The following SLC28A2 variants were observed in gnomAD, a reference collection of about 807,000 sequenced individuals.
SLC28A2 encodes the protein solute carrier family 28 member 2.
A neutral mutation model predicts 72.9 loss-of-function variants in SLC28A2; 69 were observed. The observed-to-expected ratio is 0.95, with a 90% CI of 0.78 to 1.16. SLC28A2 has a LOEUF of 1.16. SLC28A2 is among the 50% of genes most tolerant of loss of function. The probability of loss-of-function intolerance (pLI) is 0.00; values close to 1 mark genes in which losing one functional copy is unlikely to be tolerated. For missense variants in SLC28A2, 745 were observed against 791.1 expected, an observed-to-expected ratio of 0.94 and a Z score of 0.70; for synonymous variants, 296 against 294.1, an observed-to-expected ratio of 1.01 and a Z score of -0.07.
intron 10 of SLC28A2, among the ~76,000 whole-genome samples, chr15:45,266,828 A>G (rs1055250919): frequency 4.6e-5 from 7 of 152,218 alleles, no homozygotes; most frequent in African/African-American, 1.7e-4. Flanking sequence ...ATGTGAGACT[A>G]TAAGCTTCTA....
intron 7 of SLC28A2, 68 bp downstream of exon 7, chr15:45,264,836 A>G (rs1900283591): frequency 2.0e-6 from 2 of 986,142 alleles, no homozygotes; most frequent in African/African-American, 1.6e-5. Flanking sequence ...TGAGAGGAGC[A>G]TGAGAAGATT....
intron 13 of SLC28A2, 61 bp downstream of exon 13, chr15:45,268,439 T>G (rs1900418022): frequency 1.4e-6 from 2 of 1,404,438 alleles, no homozygotes; most frequent in African/African-American, 2.9e-5. Context: ...CCTTCAAACA[T>G]GCATGTCCAA....
At chr15:45,262,994 C>A in intron 4 of SLC28A2, 67 bp from the exon 5 acceptor site, 1 of 1,373,928 alleles carries the variant, frequency 7.3e-7, no homozygotes, top group Non-Finnish European at 1.0e-6. Flanking sequence ...GCATTCATGA[C>A]TGGAGTTTCA....
chr15:45,270,800 TA>T (rs1452551637), intron 15 of SLC28A2, among the ~76,000 whole-genome samples: 9 of 149,300 alleles, frequency 6.0e-5, no homozygotes, highest in East Asian at 3.9e-4. Flanking sequence ...TTATTATTAT[TA>T]TTTTTTTTGT....
intron 3 of SLC28A2, among the ~76,000 whole-genome samples, chr15:45,254,839 T>C (rs11629807): frequency 0.47 from 71,997 of 152,158 alleles, 20,726 homozygotes; most frequent in Non-Finnish European, 0.67. Flanking sequence ...TGACAGTAAA[T>C]TCTTTGTAAG....
chr15:45,264,655 G>C lies in SLC28A2; in HGVS notation c.589G>C (p.Val197Leu). 6.3e-7 allele frequency: 1 copy of C among 1,576,332 alleles called. No homozygotes were observed. Among genetic ancestry groups the C allele is most frequent in the African/African-American group, 1.3e-5 (1 of 74,256 alleles). Residue 197 changes from valine (V) to leucine (L), a missense_variant and splice_region_variant, in exon 7 of 18, where the codon GTG (valine) becomes CTG (leucine). By Grantham distance (32) the Val-to-Leu change is conservative (BLOSUM62 1). Transcript: ENST00000347644. The part of the protein sequence containing the change: ...LFACSKHHSA[V>L]SWRTVFSGLG... ...GAAATAATATTCTTATTGATCCTAG[G>C]TGTCCTGGAGGACAGTGTTTTCGGG...
At chr15:45,263,033 A>T (rs374348097) in intron 4 of SLC28A2, 28 bp from the exon 5 acceptor site, 93 of 1,593,690 alleles carry the variant, frequency 5.8e-5, no homozygotes, top group Non-Finnish European at 7.3e-5. Flanking sequence ...TGCCTTGCTG[A>T]TCTTTACTCT....
At chr15:45,265,223 C>T (rs1484121375) in intron 8 of SLC28A2, 57 bp downstream of exon 8, 4 of 1,187,608 alleles carry the variant, frequency 3.4e-6, no homozygotes, top group Non-Finnish European at 5.1e-6. Flanking sequence ...AGGAATAAAG[C>T]AGAGGATGAA....
chr15:45,255,722 C>CAGCAGACATGAATAACTTCATG (rs1259910012), intron 3 of SLC28A2, among the ~76,000 whole-genome samples: 3 of 152,102 alleles, frequency 2.0e-5, no homozygotes, highest in African/African-American at 7.2e-5. Flanking sequence ...CATACACATA[C>CAGCAGACATGAATAACTTCATG]AGCAGACATG....
Position 45,269,438 on chromosome 15 carries a change from T to C in SLC28A2, c.1469T>C (p.Ile490Thr), listed in dbSNP as rs1175534332. The C allele has an allele frequency of 1.2e-6, 2 of 1,613,986 alleles. No individual in the cohort carries two copies. Among genetic ancestry groups the C allele is most frequent in the African/African-American group, 1.3e-5 (1 of 74,918 alleles). ...VAEMVGIKFFINEFVAYQQLS... is the reference protein window; with the variant it reads ...VAEMVGIKFFTNEFVAYQQLS... ...GAGATGGTGGGAATCAAGTTCTTCA[T>C]AAATGAGTTTGTGGCTTATCAGCAA... Residue 490 changes from isoleucine (I) to threonine (T), a missense_variant, in exon 14 of 18, where the codon ATA becomes ACA. Transcript: ENST00000347644.
At chr15:45,270,123 A>G in intron 14 of SLC28A2, 72 bp from the exon 15 acceptor site, 3 of 1,017,192 alleles carry the variant, frequency 2.9e-6, no homozygotes, top group Non-Finnish European at 4.7e-6. Context: ...GTACTCTGGA[A>G]CTTCTATTGT....
At chr15:45,254,059 G>C (rs1899895931) in intron 3 of SLC28A2, 1 of 152,202 alleles carries the variant, frequency 6.6e-6, no homozygotes, top group African/African-American at 2.4e-5. Context: ...TGTGAACAGG[G>C]GTCTAGGAAG....
At chr15:45,265,337 T>A (rs778608040) in intron 8 of SLC28A2, among the ~76,000 whole-genome samples, 171 bp downstream of exon 8, 7 of 152,118 alleles carry the variant, frequency 4.6e-5, no homozygotes, top group Non-Finnish European at 1.0e-4. Context: ...TTCCCTGTGG[T>A]CATTGCCATC....
chr15:45,266,904 T>C (rs74315665), intron 10 of SLC28A2, among the ~76,000 whole-genome samples: 1,964 of 152,338 alleles, frequency 0.013, 45 homozygotes, highest in African/African-American at 0.046. Context: ...AGGCACATAG[T>C]TGGTACTTGT....
At chr15:45,252,813 C>T (rs1352066270) in intron 1 of SLC28A2, among the ~76,000 whole-genome samples, 1 of 152,156 alleles carries the variant, frequency 6.6e-6, no homozygotes, top group Non-Finnish European at 1.5e-5. Flanking sequence ...TCAGCAAGCT[C>T]AGTGGGGCCT....
At chr15:45,260,137 G>T (rs1210627283) in intron 3 of SLC28A2, among the ~76,000 whole-genome samples, 1 of 152,208 alleles carries the variant, frequency 6.6e-6, no homozygotes, top group African/African-American at 2.4e-5. Context: ...TTGAAGCAGT[G>T]AACAGTTACT....
intron 8 of SLC28A2, 31 bp downstream of exon 8, chr15:45,265,197 G>A: frequency 7.4e-7 from 1 of 1,343,858 alleles, no homozygotes; most frequent in Non-Finnish European, 1.1e-6. Flanking sequence ...AGGAATGATG[G>A]TCTATGGAGG....
chr15:45,255,732 G>A (rs1272576269), intron 3 of SLC28A2, among the ~76,000 whole-genome samples: 2 of 152,102 alleles, frequency 1.3e-5, no homozygotes, highest in African/African-American at 2.4e-5. Flanking sequence ...CAGCAGACAT[G>A]AATAACTTCA....
chr15:45,263,035 C>G, intron 4 of SLC28A2, 26 bp from the exon 5 acceptor site: 1 of 1,598,822 alleles, frequency 6.3e-7, no homozygotes, highest in Non-Finnish European at 8.5e-7. Context: ...CCTTGCTGAT[C>G]TTTACTCTGC....
Sources: allele counts gnomAD v4.1 joint callset (sites outside exome capture counted in the v4.1 genomes callset), GRCh38; gene constraint gnomAD v4.1.1; transcripts MANE v1.5; gene names NCBI Gene and HGNC (gene_info 2026-07-23, HGNC 2026-07-21).